Variants in SOS2 observed in about 807,000 individuals in gnomAD.
The protein encoded by SOS2 is son of sevenless homolog 2.
In SOS2, 65 loss-of-function variants were observed where a neutral mutation model predicts 148.2. The ratio of observed to expected loss-of-function variants is 0.44; its 90% CI spans 0.36 to 0.54. The LOEUF (loss-of-function observed/expected upper bound fraction) is 0.54. SOS2 is among the 20% of genes least tolerant of loss of function. The pLI is 0.00. For synonymous variants in SOS2, 539 were observed against 537.1 expected, an observed-to-expected ratio of 1.00 and a Z score of -0.05; for missense variants, 1,341 against 1,590.2, an observed-to-expected ratio of 0.84 and a Z score of 2.67.
intron 19 of SOS2, among the ~76,000 whole-genome samples, chr14:50,131,677 T>A (rs1224662801): frequency 6.6e-6 from 1 of 152,114 alleles, no homozygotes; most frequent in Admixed American, 6.6e-5. Context: ...AGAACAAATA[T>A]CAAATCCATG....
chr14:50,139,222 TG>T (rs1884183213), intron 17 of SOS2, among the ~76,000 whole-genome samples: 1 of 152,242 alleles, frequency 6.6e-6, no homozygotes, highest in South Asian at 2.1e-4. Flanking sequence ...AAACTAATTC[TG>T]TTTTTTCAGA....
At chr14:50,231,114 CCT>C in intron 1 of SOS2, 81 bp downstream of exon 1, 1 of 829,828 alleles carries the variant, frequency 1.2e-6, no homozygotes, top group Non-Finnish European at 1.7e-6. Flanking sequence ...GGACTCGAGC[CCT>C]GTGGGAGGGA....
intron 22 of SOS2, 52 bp from the exon 23 acceptor site, chr14:50,118,905 A>AG (rs1204384019): frequency 3.2e-6 from 4 of 1,232,240 alleles, no homozygotes; most frequent in Admixed American, 3.0e-5. Context: ...AATTAAAAAA[A>AG]AAAATTTTTA....
chr14:50,124,732 A>G (rs764930408), intron 21 of SOS2, among the ~76,000 whole-genome samples: 16 of 152,144 alleles, frequency 1.1e-4, no homozygotes, highest in Non-Finnish European at 1.6e-4. Flanking sequence ...ATAATTATCT[A>G]TGTTTCTTTA....
chr14:50,133,273 G>T (rs1594960768), intron 19 of SOS2, among the ~76,000 whole-genome samples: 1 of 107,692 alleles, frequency 9.3e-6, no homozygotes. Flanking sequence ...TTGAGACGGG[G>T]TCTTGCTCTG....
intron 16 of SOS2, 21 bp downstream of exon 16, chr14:50,145,149 A>C: frequency 2.2e-6 from 3 of 1,356,662 alleles, no homozygotes; most frequent in Non-Finnish European, 2.9e-6. Context: ...GAAAAATGAA[A>C]AAGTTAAGCC....
intron 9 of SOS2, among the ~76,000 whole-genome samples, chr14:50,160,379 CTTTTTTTTTTTTTTTTTTTTTTTT>C (rs200021758): frequency 2.5e-5 from 2 of 78,852 alleles, no homozygotes; most frequent in African/African-American, 9.9e-5. Context: ...CAATGCTAAT[CTTTTTTTTTTTTTTTTTTTTTTTT>C]TTTTTTTTTT....
chr14:50,145,828 G>C lies in SOS2; in HGVS notation c.2385-232C>G, dbSNP rs544740672. 2.6e-5 allele frequency among the ~76,000 whole-genome samples: 4 copies of C among 152,260 alleles called. No homozygotes were observed. The South Asian group carries it at 8.3e-4, about 32-fold the overall frequency. ...CAATGAAATCCCATTTTACTCATTA[G>C]ATGAACAAAAGTCTGATAACTCAAG... is the stretch of plus-strand genomic sequence containing the variant. On this transcript the variant is annotated intron_variant, in intron 14 of 22. Coordinates refer to ENST00000216373, the MANE Select transcript of SOS2 (RefSeq NM_006939.4).
chr14:50,132,354 T>TAAA lies in SOS2; in HGVS notation c.3076-1595_3076-1593dup, dbSNP rs886376742. The stretch of plus-strand genomic sequence containing the variant: ...CAATATAGCAAGACTCTATTGCCAT[T>TAAA]AAAAAAAAAAAAAAAAAAAAAAAAG... On this transcript the variant is annotated intron_variant, in intron 19 of 22. Coordinates refer to ENST00000216373, the MANE Select transcript of SOS2 (RefSeq NM_006939.4). Among the ~76,000 whole-genome samples, 475 of 62,964 alleles carry TAAA rather than the reference T, an allele frequency of 7.5e-3. 17 individuals carry two copies. Among genetic ancestry groups the TAAA allele is most frequent in the African/African-American group, 0.029 (439 of 15,144 alleles). The allele number at this position is 62,964 out of a possible 152,430, so 41.3% of individuals were successfully genotyped here. A position where few individuals can be genotyped will look rare whatever the true frequency, so the allele number is the denominator to read the frequency against.
At chr14:50,184,729 G>T (rs554671793) in intron 5 of SOS2, among the ~76,000 whole-genome samples, 1 of 152,112 alleles carries the variant, frequency 6.6e-6, no homozygotes, top group Non-Finnish European at 1.5e-5. Flanking sequence ...CGGGTGGGGT[G>T]GTATGTGCCT....
At chr14:50,200,325 C>G (rs1886448244) in intron 3 of SOS2, among the ~76,000 whole-genome samples, 1 of 152,028 alleles carries the variant, frequency 6.6e-6, no homozygotes, top group African/African-American at 2.4e-5. Context: ...CCATATACAC[C>G]AAACATATTT....
At chr14:50,218,387 A>G (rs1164239538) in intron 1 of SOS2, among the ~76,000 whole-genome samples, 4 of 151,476 alleles carry the variant, frequency 2.6e-5, no homozygotes, top group Admixed American at 6.6e-5. Context: ...GCAGGGCATG[A>G]TGGTGGGTGC....
intron 16 of SOS2, among the ~76,000 whole-genome samples, chr14:50,142,028 G>A (rs1009446324): frequency 1.1e-4 from 16 of 147,776 alleles, no homozygotes; most frequent in Admixed American, 3.4e-4. Flanking sequence ...TTTTTTTTGA[G>A]ATGGAATCTT....
Position 50,204,283 on chromosome 14 carries a change from C to A in SOS2, c.213+1G>T. On this transcript the variant is annotated splice_donor_variant, in intron 2 of 22. Coordinates refer to ENST00000216373, the MANE Select transcript of SOS2 (RefSeq NM_006939.4). LOFTEE classifies it high-confidence loss of function. ...TTTTGAAATGACAAAATAATTTTTACCTCTACATCTTGAACAGTCCTTGGC... is the reference window on the plus strand; with the variant it reads ...TTTTGAAATGACAAAATAATTTTTAACTCTACATCTTGAACAGTCCTTGGC... 1 of 1,561,444 alleles carries A rather than the reference C, an allele frequency of 6.4e-7. No homozygotes were observed. The highest frequency in any genetic ancestry group is 8.6e-7 in the Non-Finnish European group (1 of 1,157,672).
At chr14:50,178,524 T>G (rs1031216469) in intron 7 of SOS2, among the ~76,000 whole-genome samples, 1 of 151,632 alleles carries the variant, frequency 6.6e-6, no homozygotes, top group Non-Finnish European at 1.5e-5. Context: ...AGTGCAGTGT[T>G]GCAATCTCGG....
intron 19 of SOS2, among the ~76,000 whole-genome samples, chr14:50,133,249 C>CTT (rs1175960937): frequency 1.1e-4 from 12 of 105,634 alleles, no homozygotes; most frequent in Admixed American, 2.7e-4. Context: ...TTTCTTTTTT[C>CTT]TTTTTTTTTT....
At chr14:50,210,979 A>C (rs1303392984) in intron 1 of SOS2, among the ~76,000 whole-genome samples, 1 of 152,180 alleles carries the variant, frequency 6.6e-6, no homozygotes, top group Non-Finnish European at 1.5e-5. Context: ...CTTTGCCATT[A>C]AGTACTAAAG....
At chr14:50,152,777 G>C (rs1228517579) in intron 13 of SOS2, among the ~76,000 whole-genome samples, 2 of 151,172 alleles carry the variant, frequency 1.3e-5, no homozygotes, top group Non-Finnish European at 3.0e-5. Flanking sequence ...GTCTTGTGGT[G>C]AATGTGGTGA....
chr14:50,140,176 TAAAAG>T (rs1884222611), intron 16 of SOS2, 117 bp from the exon 17 acceptor site: 1 of 583,674 alleles, frequency 1.7e-6, no homozygotes, highest in Non-Finnish European at 3.1e-6. Flanking sequence ...TTTTTTACAT[TAAAAG>T]ATGAGTGGTA....
Sources: gnomAD v4.1 joint callset for allele counts (sites outside exome capture counted in the v4.1 genomes callset) on GRCh38, gnomAD v4.1.1 for gene constraint, MANE v1.5 for transcripts, NCBI Gene and HGNC (gene_info 2026-07-23, HGNC 2026-07-21) for gene names.